HERC1: variants seen among roughly 807,000 people sequenced by gnomAD.
The protein encoded by HERC1 is HECT and RLD domain containing E3 ubiquitin protein ligase family member 1.
In HERC1, 160 loss-of-function variants were observed where a neutral mutation model predicts 554.3. The ratio of observed to expected loss-of-function variants is 0.29; its 90% confidence interval spans 0.25 to 0.33. HERC1 has a LOEUF of 0.33. HERC1 is among the 10% of genes least tolerant of loss of function. HERC1 has a pLI of 1.00. For synonymous variants in HERC1, 2,175 were observed against 2,131.7 expected, an observed-to-expected ratio of 1.02 and a Z score of -0.56; for missense variants, 4,919 against 5,918.5, an observed-to-expected ratio of 0.83 and a Z score of 5.54.
chr15:63,632,248 T>C, intron 68 of HERC1: 1 of 180,516 alleles, frequency 5.5e-6, no homozygotes, highest in South Asian at 1.2e-4. Context: ...CAACTACCCT[T>C]GCCAAGAATC....
intron 48 of HERC1, among the ~76,000 whole-genome samples, chr15:63,656,622 A>C (rs2070054582): frequency 6.6e-6 from 1 of 152,158 alleles, no homozygotes; most frequent in Admixed American, 6.5e-5. Flanking sequence ...ACAAAGCATA[A>C]ATTTTCATAA....
chr15:63,820,268 A>C lies in HERC1; in HGVS notation c.-27+13559T>G, dbSNP rs1266739432. On this transcript the variant is annotated intron_variant, in intron 1 of 77. Coordinates refer to ENST00000443617, the MANE Select transcript of HERC1 (RefSeq NM_003922.4). The stretch of plus-strand genomic sequence containing the variant: ...ATTAAATTACACAAATCTTTCCATC[A>C]TTCTCCATCCCTCATTCTTTCCAAA... Among the ~76,000 whole-genome samples the C allele has an allele frequency of 2.6e-5, 4 of 152,112 alleles. No homozygotes were observed. The East Asian group carries it at 7.7e-4, about 29-fold the overall frequency.
At chr15:63,714,985 T>C (rs2073481465) in intron 22 of HERC1, among the ~76,000 whole-genome samples, 2 of 152,174 alleles carry the variant, frequency 1.3e-5, no homozygotes, top group Non-Finnish European at 2.9e-5. Flanking sequence ...GTTATGCTAT[T>C]AAAAGTCCCT....
intron 25 of HERC1, among the ~76,000 whole-genome samples, chr15:63,703,916 C>CA (rs1254785831): frequency 0.021 from 2,439 of 117,090 alleles, 54 homozygotes; most frequent in African/African-American, 0.073. Flanking sequence ...GACACTGTCT[C>CA]AAAAAAAAAA....
rs781328698 is a variant in HERC1, at chr15:63,674,519, C to A, written c.7669G>T (p.Val2557Leu). ...CASSPVVHED[V>L]EMRAALQFLM... ...AACTGCAGGGCTGCTCGCATCTCCA[C>A]GTCTTCATGAACAACTGGAGAACTT... Residue 2557 changes from valine (V) to leucine (L), a missense_variant, in exon 38 of 78, where the codon GTG becomes TTG. Transcript: ENST00000443617. The A allele has an allele frequency of 5.0e-6, 8 of 1,613,462 alleles. No homozygotes were observed. The highest frequency in any genetic ancestry group is 1.7e-5 in the Admixed American group (1 of 59,926).
chr15:63,722,009 C>A (rs894790557), intron 19 of HERC1, among the ~76,000 whole-genome samples: 2 of 152,080 alleles, frequency 1.3e-5, no homozygotes, highest in Non-Finnish European at 2.9e-5. Context: ...TACAGGCACA[C>A]GCCTCCATGA....
intron 76 of HERC1, among the ~76,000 whole-genome samples, chr15:63,613,816 C>T (rs959001767): frequency 6.6e-6 from 1 of 151,844 alleles, no homozygotes; most frequent in African/African-American, 2.4e-5. Context: ...AGAGCAAGAC[C>T]CTCTCTTAAA....
chr15:63,787,402 C>T (rs1216250843), intron 1 of HERC1, among the ~76,000 whole-genome samples: 1 of 152,130 alleles, frequency 6.6e-6, no homozygotes, highest in Non-Finnish European at 1.5e-5. Flanking sequence ...GGTGATCCAC[C>T]TGCCTCAGCC....
chr15:63,769,292 G>C (rs994237739), intron 2 of HERC1, among the ~76,000 whole-genome samples: 1 of 151,712 alleles, frequency 6.6e-6, no homozygotes, highest in Non-Finnish European at 1.5e-5. Context: ...GGTGGCAGGC[G>C]CCTGTAATCC....
intron 52 of HERC1, 132 bp downstream of exon 52, chr15:63,652,282 A>G: frequency 5.0e-6 from 3 of 605,976 alleles, no homozygotes; most frequent in East Asian, 3.3e-5. Flanking sequence ...CACACTGAAA[A>G]TACAGTAATA....
chr15:63,694,960 A>G lies in HERC1; in HGVS notation c.5122-66T>C. On this transcript the variant is annotated intron_variant, in intron 27 of 77. Coordinates refer to ENST00000443617, the MANE Select transcript of HERC1 (RefSeq NM_003922.4). The surrounding 1 kb of genome is among the most constrained non-coding windows in gnomAD (Gnocchi z 4.3). ...ATAATACCTGCTTGCAAAAAGAAGTAATAACATTTTATTTCTAGTCTATGC... is the reference window on the plus strand; with the variant it reads ...ATAATACCTGCTTGCAAAAAGAAGTGATAACATTTTATTTCTAGTCTATGC... 1 of 1,449,842 alleles carries G rather than the reference A, an allele frequency of 6.9e-7. No homozygotes were observed. Among genetic ancestry groups the G allele is most frequent in the African/African-American group, 1.4e-5 (1 of 70,652 alleles). The allele number at this position is 1,449,842 out of a possible 1,614,324, so 89.8% of individuals were successfully genotyped here.
At chr15:63,645,772 C>T (rs1404355297) in intron 55 of HERC1, 90 bp from the exon 56 acceptor site, 4 of 736,730 alleles carry the variant, frequency 5.4e-6, no homozygotes, top group Admixed American at 6.7e-5. Flanking sequence ...TATTTCTTAG[C>T]ATCTATATTT....
At chr15:63,614,342 C>A (rs2067725707) in intron 76 of HERC1, among the ~76,000 whole-genome samples, 1 of 152,164 alleles carries the variant, frequency 6.6e-6, no homozygotes, top group Admixed American at 6.5e-5. Flanking sequence ...CACAGAGTAA[C>A]TATGGGAAAA....
intron 1 of HERC1, among the ~76,000 whole-genome samples, chr15:63,815,890 GGCAAGAAGGAGAAGTGCCTA>G (rs1224689497): frequency 2.6e-5 from 4 of 152,062 alleles, no homozygotes; most frequent in African/African-American, 9.7e-5. Context: ...TTCACATGGG[GGCAAGAAGGAGAAGTGCCTA>G]GCAAAAGGGG....
chr15:63,627,534 C>T (rs890631165), intron 70 of HERC1, among the ~76,000 whole-genome samples: 1 of 151,972 alleles, frequency 6.6e-6, no homozygotes, highest in Non-Finnish European at 1.5e-5. Flanking sequence ...ATGAGTTGGG[C>T]GTGGTGGCAC....
At chr15:63,676,345 T>C (rs2071205879) in intron 37 of HERC1, among the ~76,000 whole-genome samples, 1 of 152,204 alleles carries the variant, frequency 6.6e-6, no homozygotes, top group South Asian at 2.1e-4. Context: ...GCAGAGTCCA[T>C]TAACCCCTGA....
chr15:63,738,785 A>C (rs2074659203), intron 12 of HERC1, among the ~76,000 whole-genome samples: 2 of 152,228 alleles, frequency 1.3e-5, no homozygotes. Context: ...AGAGACCCAA[A>C]GAATAAAAAG....
At position 63,649,849 on chromosome 15, in the gene HERC1, G is replaced by C; in HGVS notation, c.10623C>G (p.Ala3541=). 6.2e-7 allele frequency: 1 copy of C among 1,613,098 alleles called. No homozygotes were observed. The highest frequency in any genetic ancestry group is 1.1e-5 in the South Asian group (1 of 90,816). Residue 3541 remains alanine, a synonymous_variant, in exon 54 of 78, where the codon GCC becomes GCG. Coordinates refer to ENST00000443617, the MANE Select transcript of HERC1 (RefSeq NM_003922.4). ...ACAATTCTGGAGACTCTCCTGACCA[G>C]GCTGTAGCCGGACCCTCTTCTGGCC... The part of the protein sequence containing the change: ...LAWPEEGPAT[A]WSGESPELLL...
intron 1 of HERC1, among the ~76,000 whole-genome samples, chr15:63,827,078 T>C (rs1420051686): frequency 2.0e-5 from 3 of 151,850 alleles, no homozygotes; most frequent in Non-Finnish European, 4.4e-5. Context: ...TGCCCATACA[T>C]AGATGAATGG....
Sources: allele counts gnomAD v4.1 joint callset (sites outside exome capture counted in the v4.1 genomes callset), GRCh38; gene constraint gnomAD v4.1.1; non-coding constraint Gnocchi (gnomAD v3.1); transcripts MANE v1.5; gene names NCBI Gene and HGNC (gene_info 2026-07-23, HGNC 2026-07-21).